Variants in WDFY3 observed in about 807,000 individuals in gnomAD.
The protein encoded by WDFY3 is WD repeat and FYVE domain containing 3, also known as WD repeat and FYVE domain-containing protein 3.
A neutral mutation model predicts 409.6 loss-of-function variants in WDFY3; 66 were observed. The ratio of observed to expected loss-of-function variants is 0.16; its 90% CI spans 0.13 to 0.20. The LOEUF is 0.20. Ranked by LOEUF, WDFY3 falls within the 10% of genes least tolerant of loss-of-function variation. The probability of loss-of-function intolerance (pLI) is 1.00; values close to 1 mark genes in which losing one functional copy is unlikely to be tolerated. For missense variants in WDFY3, 3,031 were observed against 4,298.1 expected (o/e 0.71, Z 8.24); for synonymous variants, 1,521 against 1,537.1 (o/e 0.99, Z 0.25).
chr4:84,868,636 C>A (rs1761760019), intron 3 of WDFY3, among the ~76,000 whole-genome samples: 1 of 152,038 alleles, frequency 6.6e-6, no homozygotes, highest in African/African-American at 2.4e-5. Flanking sequence ...AAAACATATT[C>A]CAAAGCCAAA....
chr4:84,699,140 C>A (rs528163670), intron 56 of WDFY3, among the ~76,000 whole-genome samples: 23 of 151,864 alleles, frequency 1.5e-4, no homozygotes, highest in African/African-American at 5.1e-4. Context: ...TGTTACGCAA[C>A]CACGATTTCT....
In WDFY3 at chr4:84,944,595, G is replaced by A. The variant is rs571327531; in HGVS notation, c.-225-12232C>T. 8.1e-4 allele frequency among the ~76,000 whole-genome samples: 122 copies of A among 151,182 alleles called. 3 individuals are homozygous for A. The highest frequency in any genetic ancestry group is 3.1e-4 in the Non-Finnish European group (21 of 67,874). On this transcript the variant is annotated intron_variant, in intron 1 of 67. Transcript: ENST00000295888. Reference sequence around the variant, plus strand: ...TCCCAGCACTTTGTGGGGCTGTGGCGGATGGATCATCTGAGGTCAAGAGTT... The same window carrying A: ...TCCCAGCACTTTGTGGGGCTGTGGCAGATGGATCATCTGAGGTCAAGAGTT...
chr4:84,692,480 A>T (rs572064978), intron 59 of WDFY3, among the ~76,000 whole-genome samples: 1 of 152,196 alleles, frequency 6.6e-6, no homozygotes, highest in Non-Finnish European at 1.5e-5. Flanking sequence ...TAAAACACAG[A>T]TGTCTTTTCA....
At chr4:84,784,701 G>T (rs1747152720) in intron 24 of WDFY3, among the ~76,000 whole-genome samples, 1 of 151,360 alleles carries the variant, frequency 6.6e-6, no homozygotes, top group Non-Finnish European at 1.5e-5. Flanking sequence ...AGTTGGGCAT[G>T]GTGGTGCATG....
intron 67 of WDFY3, 111 bp from the exon 68 acceptor site, chr4:84,673,102 AC>A: frequency 6.9e-7 from 1 of 1,441,672 alleles, no homozygotes; most frequent in Admixed American, 1.9e-5. Context: ...CAAAGGCCAT[AC>A]TGGTTTGTGT....
intron 8 of WDFY3, among the ~76,000 whole-genome samples, chr4:84,830,102 T>C (rs963086594): frequency 6.6e-6 from 1 of 152,162 alleles, no homozygotes; most frequent in African/African-American, 2.4e-5. Flanking sequence ...ATTTAATAAC[T>C]GACTCATATA....
At chr4:84,809,779 G>C in intron 14 of WDFY3, 108 bp downstream of exon 14, 1 of 956,880 alleles carries the variant, frequency 1.0e-6, no homozygotes, top group Non-Finnish European at 1.5e-6. Context: ...AATAGGAGAA[G>C]AGTCATCTGT....
chr4:84,799,532 A>C (rs1338074519), intron 17 of WDFY3, among the ~76,000 whole-genome samples: 1 of 152,096 alleles, frequency 6.6e-6, no homozygotes, highest in Non-Finnish European at 1.5e-5. Context: ...TCACACTTCC[A>C]AAAGTCTCTG....
At chr4:84,802,091 G>A (rs997433793) in intron 16 of WDFY3, among the ~76,000 whole-genome samples, 1 of 151,674 alleles carries the variant, frequency 6.6e-6, no homozygotes, top group Non-Finnish European at 1.5e-5. Flanking sequence ...GGGATAACAG[G>A]CGCCCACCAC....
intron 10 of WDFY3, among the ~76,000 whole-genome samples, chr4:84,823,586 A>T (rs2149841326): frequency 6.6e-6 from 1 of 152,248 alleles, no homozygotes; most frequent in South Asian, 2.1e-4. Context: ...AACTCTTATA[A>T]CTCCAGTAAA....
At chr4:84,699,404 T>G (rs1730710407) in intron 56 of WDFY3, among the ~76,000 whole-genome samples, 1 of 152,232 alleles carries the variant, frequency 6.6e-6, no homozygotes, top group South Asian at 2.1e-4. Context: ...TTCACTTTCA[T>G]GGATGAATAA....
intron 3 of WDFY3, among the ~76,000 whole-genome samples, chr4:84,884,672 A>G (rs963460774): frequency 1.4e-4 from 21 of 152,316 alleles, no homozygotes; most frequent in African/African-American, 5.1e-4. Context: ...AAATTATATA[A>G]TTTTTAGACT....
chr4:84,685,371 C>A (rs957490797), intron 62 of WDFY3, among the ~76,000 whole-genome samples: 1 of 152,184 alleles, frequency 6.6e-6, no homozygotes, highest in Non-Finnish European at 1.5e-5. Flanking sequence ...TCCTCCCACC[C>A]CCTAGCTCTT....
intron 2 of WDFY3, among the ~76,000 whole-genome samples, chr4:84,903,676 C>G (rs1222593529): frequency 6.6e-6 from 1 of 152,114 alleles, no homozygotes; most frequent in Non-Finnish European, 1.5e-5. Context: ...ATATTTCAAA[C>G]CAAACCTCAC....
At chr4:84,690,884 A>G (rs1729150014) in intron 60 of WDFY3, among the ~76,000 whole-genome samples, 1 of 152,168 alleles carries the variant, frequency 6.6e-6, no homozygotes, top group South Asian at 2.1e-4. Flanking sequence ...CATAACCAAA[A>G]AGGACTTTGC....
Position 84,677,995 on chromosome 4 carries a change from A to G in WDFY3, c.10259+173T>C, listed in dbSNP as rs185990588. ...AAAAAAAAAAAAAAAAAAGAAAAAGAAAAGAAAAATATCCACACACTAACA... is the reference window on the plus strand; with the variant it reads ...AAAAAAAAAAAAAAAAAAGAAAAAGGAAAGAAAAATATCCACACACTAACA... On this transcript the variant is annotated intron_variant, in intron 66 of 67. Transcript: ENST00000295888. Among the ~76,000 whole-genome samples, 23 of 151,748 alleles carry G rather than the reference A, an allele frequency of 1.5e-4. No individual in the cohort carries two copies. The East Asian group carries it at 4.3e-3, about 28-fold the overall frequency.
At position 84,787,549 on chromosome 4, in the gene WDFY3, T is replaced by C. The variant is rs148293285; in HGVS notation, c.3834A>G (p.Ser1278=). Residue 1278 remains serine, a synonymous_variant, in exon 23 of 68, where the codon TCA becomes TCG. Transcript: ENST00000295888. ...CAAGTTCATAAATGGTAGTAACATTTGAAGAAGGTAAAACTTCTTCTAGAA... is the reference window on the plus strand; with the variant it reads ...CAAGTTCATAAATGGTAGTAACATTCGAAGAAGGTAAAACTTCTTCTAGAA... ...THFLEEVLPS[S]NVTTIYELGP... The C allele has an allele frequency of 6.8e-6, 11 of 1,614,072 alleles. No homozygotes were observed. The African/African-American group carries it at 1.1e-4, about 16-fold the overall frequency.
chr4:84,833,682 A>AG lies in WDFY3; in HGVS notation c.577-2078_577-2077insC, dbSNP rs1185879643. On this transcript the variant is annotated intron_variant, in intron 7 of 67. Coordinates refer to ENST00000295888, the MANE Select transcript of WDFY3 (RefSeq NM_014991.6). The stretch of plus-strand genomic sequence containing the variant: ...AGAGAAAAAGAAAAGAAAAGAAAAG[A>AG]AAAGAAAAGAGAAGAGAAGAGAAGA... Among the ~76,000 whole-genome samples, 132 of 151,726 alleles carry AG rather than the reference A, an allele frequency of 8.7e-4. 3 individuals carry two copies. Among genetic ancestry groups the AG allele is most frequent in the African/African-American group, 3.1e-3 (126 of 41,242 alleles).
intron 2 of WDFY3, among the ~76,000 whole-genome samples, chr4:84,903,554 A>C (rs1156265915): frequency 2.0e-5 from 3 of 152,090 alleles, no homozygotes; most frequent in Non-Finnish European, 4.4e-5. Flanking sequence ...TCCTGGTTTC[A>C]AGTAATCCGC....
Sources: allele counts gnomAD v4.1 joint callset (sites outside exome capture counted in the v4.1 genomes callset), GRCh38; gene constraint gnomAD v4.1.1; transcripts MANE v1.5; gene names NCBI Gene and HGNC (gene_info 2026-07-23, HGNC 2026-07-21).